The following SPRED1 variants were observed in gnomAD, a reference collection of about 807,000 sequenced individuals.
The protein encoded by SPRED1 is sprouty-related, EVH1 domain-containing protein 1.
Under a neutral mutation model 52.3 loss-of-function variants are expected in SPRED1, and 18 were observed. The observed-to-expected ratio is 0.34, with a 90% CI of 0.24 to 0.51. The LOEUF is 0.51. SPRED1 is among the 20% of genes least tolerant of loss of function. SPRED1 has a pLI of 0.97. For missense variants in SPRED1, 485 were observed against 551.0 expected, an observed-to-expected ratio of 0.88 and a Z score of 1.20; for synonymous variants, 155 against 179.7, an observed-to-expected ratio of 0.86 and a Z score of 1.10.
chr15:38,347,627 A>G (rs1896169904), intron 5 of SPRED1, among the ~76,000 whole-genome samples: 6 of 151,946 alleles, frequency 3.9e-5, no homozygotes, highest in Admixed American at 3.9e-4. Flanking sequence ...CGTGAATATG[A>G]TATATACCTC....
At chr15:38,329,894 CAG>C (rs1491241505) in intron 4 of SPRED1, among the ~76,000 whole-genome samples, 2 of 152,230 alleles carry the variant, frequency 1.3e-5, no homozygotes, top group East Asian at 3.9e-4. Flanking sequence ...AGTCTAACTT[CAG>C]AGTCTTTGAT....
chr15:38,263,460 CA>C (rs1894242882), intron 1 of SPRED1, among the ~76,000 whole-genome samples: 2 of 151,988 alleles, frequency 1.3e-5, no homozygotes, highest in Admixed American at 6.6e-5. Context: ...GGAAAGATGA[CA>C]AGTGAGAAAC....
chr15:38,268,845 T>C (rs1269671006), intron 1 of SPRED1, among the ~76,000 whole-genome samples: 1 of 152,320 alleles, frequency 6.6e-6, no homozygotes, highest in East Asian at 1.9e-4. Flanking sequence ...TGGAGAGGGA[T>C]TCCTATCTAC....
chr15:38,281,808 G>A (rs892731404), intron 1 of SPRED1, among the ~76,000 whole-genome samples: 1 of 152,050 alleles, frequency 6.6e-6, no homozygotes, highest in Admixed American at 6.5e-5. Context: ...GAGACATGCT[G>A]TAAAGTTTGG....
chr15:38,278,809 A>T (rs1341609246), intron 1 of SPRED1, among the ~76,000 whole-genome samples: 4 of 147,302 alleles, frequency 2.7e-5, no homozygotes, highest in African/African-American at 7.4e-5. Flanking sequence ...AAACACAACC[A>T]TTATAACCTA....
intron 5 of SPRED1, among the ~76,000 whole-genome samples, chr15:38,343,034 G>A (rs1308684798): frequency 3.9e-5 from 6 of 152,026 alleles, no homozygotes; most frequent in East Asian, 1.9e-4. Context: ...AAGAAAGAGC[G>A]GTCACATTAG....
chr15:38,299,017 T>C (rs375135769), intron 1 of SPRED1, among the ~76,000 whole-genome samples: 3 of 152,336 alleles, frequency 2.0e-5, no homozygotes, highest in African/African-American at 7.2e-5. Flanking sequence ...AATGGACATA[T>C]ATAGACAAGT....
In SPRED1 at chr15:38,280,273, A is replaced by G. The variant is rs1894658357; in HGVS notation, c.33-19100A>G. Among the ~76,000 whole-genome samples, 3 of 152,202 alleles carry G rather than the reference A, an allele frequency of 2.0e-5. No homozygotes were observed. In the South Asian group the frequency reaches 6.2e-4, roughly 32 times the overall value. On this transcript the variant is annotated intron_variant, in intron 1 of 6. Transcript: ENST00000299084. The stretch of plus-strand genomic sequence containing the variant: ...CTCCTTAAAGGAACACAATAGTATA[A>G]TAATGTTTTTTGTCAGAATCTCTTC...
At chr15:38,290,131 A>G (rs1894891678) in intron 1 of SPRED1, among the ~76,000 whole-genome samples, 1 of 152,176 alleles carries the variant, frequency 6.6e-6, no homozygotes, top group Admixed American at 6.5e-5. Context: ...CTTTTATCTC[A>G]TCATGAACTC....
rs1894007707 is a variant in SPRED1, at chr15:38,252,867, G to A, written c.-319G>A. On this transcript the variant is annotated 5_prime_UTR_variant, in exon 1 of 7. Transcript: ENST00000299084. ...CTCCACCCCAGTGGCTGGAGGAGCA[G>A]CTCTCCAGTCAGCCTTTGCAGCCCC... The A allele has an allele frequency of 6.6e-6, 3 of 454,484 alleles. No individual in the cohort carries two copies. Among genetic ancestry groups the A allele is most frequent in the Non-Finnish European group, 1.2e-5 (3 of 245,890 alleles). 28.2% of individuals were successfully genotyped at this position (454,484 alleles called of 1,614,324 possible).
chr15:38,321,035 C>T (rs755334928), intron 2 of SPRED1, among the ~76,000 whole-genome samples: 6 of 152,048 alleles, frequency 3.9e-5, no homozygotes, highest in Non-Finnish European at 7.4e-5. Context: ...GATTAAAGTT[C>T]TGTGTTGGTT....
chr15:38,267,993 A>T (rs563710582), intron 1 of SPRED1, among the ~76,000 whole-genome samples: 3 of 152,346 alleles, frequency 2.0e-5, no homozygotes, highest in African/African-American at 7.2e-5. Flanking sequence ...TATTGGGAAA[A>T]CAACTGTCCT....
intron 1 of SPRED1, among the ~76,000 whole-genome samples, chr15:38,284,840 G>A (rs1041369768): frequency 1.4e-5 from 2 of 139,322 alleles, no homozygotes; most frequent in African/African-American, 5.2e-5. Flanking sequence ...GTGCATAAGG[G>A]GTTACTTCAT....
chr15:38,350,045 A>G (rs1409966243), intron 6 of SPRED1, among the ~76,000 whole-genome samples: 1 of 152,196 alleles, frequency 6.6e-6, no homozygotes, highest in Non-Finnish European at 1.5e-5. Flanking sequence ...GGGGTATTTT[A>G]CGTCATTGTT....
chr15:38,279,712 A>C (rs1380304690), intron 1 of SPRED1, among the ~76,000 whole-genome samples: 2 of 152,214 alleles, frequency 1.3e-5, no homozygotes, highest in African/African-American at 4.8e-5. Context: ...CCATATCTGC[A>C]CATAGCAAAT....
intron 1 of SPRED1, among the ~76,000 whole-genome samples, chr15:38,297,733 A>G (rs767080924): frequency 6.6e-6 from 1 of 152,162 alleles, no homozygotes; most frequent in Non-Finnish European, 1.5e-5. Flanking sequence ...TCGGTTTTCA[A>G]TGCTTTGTTG....
chr15:38,351,625 A>G lies in SPRED1; in HGVS notation c.1296A>G (p.Ala432=), dbSNP rs2141016767. The change falls in exon 7 of 7, where the codon GCA becomes GCG. Residue 432 remains alanine, a synonymous_variant. Coordinates refer to ENST00000299084, the MANE Select transcript of SPRED1 (RefSeq NM_152594.3). ...GAATGTGCCATCGCTGTGGTGAGGCATGTGGTTGCTGTGGTGGGAAACATA... is the reference window on the plus strand; with the variant it reads ...GAATGTGCCATCGCTGTGGTGAGGCGTGTGGTTGCTGTGGTGGGAAACATA... ...PLRMCHRCGE[A]CGCCGGKHKA... 6.2e-7 allele frequency: 1 copy of G among 1,613,974 alleles called. No individual in the cohort carries two copies. The highest frequency in any genetic ancestry group is 1.3e-5 in the African/African-American group (1 of 75,042).
chr15:38,266,822 T>C (rs918652093), intron 1 of SPRED1, among the ~76,000 whole-genome samples: 2 of 119,984 alleles, frequency 1.7e-5, no homozygotes, highest in Non-Finnish European at 3.6e-5. Flanking sequence ...ACTGAGCTTC[T>C]AAGTGAGCCA....
intron 1 of SPRED1, among the ~76,000 whole-genome samples, chr15:38,290,392 A>T (rs1391084627): frequency 6.6e-6 from 1 of 152,196 alleles, no homozygotes; most frequent in Non-Finnish European, 1.5e-5. Flanking sequence ...AAAATGATTG[A>T]TTCTAAAGGT....
Sources: allele counts gnomAD v4.1 joint callset (sites outside exome capture counted in the v4.1 genomes callset), GRCh38; gene constraint gnomAD v4.1.1; transcripts MANE v1.5; gene names NCBI Gene and HGNC (gene_info 2026-07-23, HGNC 2026-07-21).